Variants in UBE3D observed in about 807,000 individuals in gnomAD.
UBE3D encodes ubiquitin protein ligase E3D, also known as E3 ubiquitin-protein ligase E3D.
A neutral mutation model predicts 49.6 loss-of-function variants in UBE3D; 48 were observed. That is an observed-to-expected ratio of 0.97 (90% CI 0.77 to 1.23). The LOEUF is 1.23. Among genes scored for constraint, UBE3D ranks in the 50% most tolerant of loss-of-function variants. The pLI is 0.00. For missense variants in UBE3D, 452 were observed against 468.4 expected, an observed-to-expected ratio of 0.96 and a Z score of 0.32; for synonymous variants, 189 against 174.2, an observed-to-expected ratio of 1.08 and a Z score of -0.67.
In UBE3D at chr6:83,008,847, T is replaced by C. The variant is rs563011322; in HGVS notation, c.1010+10126A>G. Among the ~76,000 whole-genome samples the C allele has an allele frequency of 1.1e-4, 17 of 152,270 alleles. No homozygotes were observed. The South Asian group carries it at 3.5e-3, about 32-fold the overall frequency. ...CTCACAGCATGTTTACCTACTTCTC[T>C]TCCTACCTCGGGGGCAGAGAGTCAA... On this transcript the variant is annotated intron_variant, in intron 8 of 9. Transcript: ENST00000369747.
At chr6:82,978,039 C>A (rs1294003464) in intron 8 of UBE3D, among the ~76,000 whole-genome samples, 4 of 152,024 alleles carry the variant, frequency 2.6e-5, no homozygotes, top group African/African-American at 7.3e-5. Context: ...TCAGAAACAA[C>A]CTCTCTCTCA....
intron 7 of UBE3D, among the ~76,000 whole-genome samples, chr6:83,019,772 G>C (rs367898098): frequency 6.6e-6 from 1 of 152,130 alleles, no homozygotes; most frequent in African/African-American, 2.4e-5. Flanking sequence ...CTGATCCATG[G>C]GGGAGTTCTA....
At chr6:82,923,978 A>G (rs1773554968) in intron 9 of UBE3D, among the ~76,000 whole-genome samples, 1 of 152,150 alleles carries the variant, frequency 6.6e-6, no homozygotes, top group Non-Finnish European at 1.5e-5. Flanking sequence ...TAATATTCTT[A>G]GTAGAAAAAT....
At chr6:83,052,293 G>T (rs777221994) in intron 3 of UBE3D, among the ~76,000 whole-genome samples, 1 of 152,138 alleles carries the variant, frequency 6.6e-6, no homozygotes, top group Non-Finnish European at 1.5e-5. Flanking sequence ...AGACTCAGAA[G>T]GGACTACCCT....
chr6:83,022,431 G>C (rs563654834), intron 7 of UBE3D, 22 bp downstream of exon 7: 9 of 1,484,158 alleles, frequency 6.1e-6, no homozygotes, highest in South Asian at 5.1e-5. Context: ...GCTACAAAAA[G>C]CTGGATAAAA....
At chr6:82,901,455 A>G (rs903495264) in intron 9 of UBE3D, among the ~76,000 whole-genome samples, 2 of 152,086 alleles carry the variant, frequency 1.3e-5, no homozygotes, top group African/African-American at 4.8e-5. Flanking sequence ...TACTGTGCCC[A>G]CTCCAGACTT....
intron 8 of UBE3D, among the ~76,000 whole-genome samples, chr6:82,965,916 C>G (rs1381563630): frequency 6.6e-6 from 1 of 152,162 alleles, no homozygotes; most frequent in Non-Finnish European, 1.5e-5. Flanking sequence ...GACAACATAT[C>G]ATTCATTTCA....
At chr6:82,922,016 T>C (rs1023720781) in intron 9 of UBE3D, among the ~76,000 whole-genome samples, 21 of 152,172 alleles carry the variant, frequency 1.4e-4, no homozygotes, top group African/African-American at 4.8e-4. Flanking sequence ...GGAAAAAATA[T>C]AAGACTTGCT....
At chr6:82,999,565 A>C (rs1227963583) in intron 8 of UBE3D, among the ~76,000 whole-genome samples, 1 of 152,060 alleles carries the variant, frequency 6.6e-6, no homozygotes, top group Non-Finnish European at 1.5e-5. Context: ...TTGGATTTTT[A>C]GTAGAGACGG....
chr6:82,987,493 G>T (rs1301561111), intron 8 of UBE3D, among the ~76,000 whole-genome samples: 3 of 152,076 alleles, frequency 2.0e-5, no homozygotes, highest in Non-Finnish European at 4.4e-5. Context: ...CAATGTTAAA[G>T]ATAAAAAATT....
chr6:83,015,884 G>C (rs980809769), intron 8 of UBE3D, among the ~76,000 whole-genome samples: 1 of 152,156 alleles, frequency 6.6e-6, no homozygotes, highest in Admixed American at 6.5e-5. Flanking sequence ...TGCCACTACT[G>C]GGGGTAGGGA....
intron 1 of UBE3D, among the ~76,000 whole-genome samples, chr6:83,064,317 G>A (rs1428193352): frequency 6.6e-6 from 1 of 151,920 alleles, no homozygotes; most frequent in African/African-American, 2.4e-5. Flanking sequence ...TCCGCCTCCC[G>A]GGTTCACTCC....
At chr6:83,065,184 G>A (rs1344131216) in intron 1 of UBE3D, among the ~76,000 whole-genome samples, 1 of 152,166 alleles carries the variant, frequency 6.6e-6, no homozygotes, top group Non-Finnish European at 1.5e-5. Context: ...AGCAGTTTTG[G>A]ACGAAAAGAC....
intron 9 of UBE3D, among the ~76,000 whole-genome samples, chr6:82,919,759 C>A (rs1355901177): frequency 2.0e-5 from 3 of 152,132 alleles, no homozygotes; most frequent in South Asian, 2.1e-4. Context: ...ACGGAGACTG[C>A]CTATTTTTGA....
chr6:82,957,548 G>T, intron 8 of UBE3D, 98 bp from the exon 9 acceptor site: 2 of 1,352,002 alleles, frequency 1.5e-6, no homozygotes, highest in Non-Finnish European at 2.0e-6. Flanking sequence ...AGAGAAAAAG[G>T]CAAAGTACAA....
chr6:83,059,537 C>T (rs112366026), intron 1 of UBE3D, among the ~76,000 whole-genome samples: 2,144 of 152,348 alleles, frequency 0.014, 49 homozygotes, highest in African/African-American at 0.049. Flanking sequence ...GACTTTCAAA[C>T]TAGACTGTGT....
intron 8 of UBE3D, among the ~76,000 whole-genome samples, chr6:83,007,470 T>G (rs940199554): frequency 1.3e-5 from 2 of 152,206 alleles, no homozygotes; most frequent in Admixed American, 1.3e-4. Flanking sequence ...TAAGTCTTTT[T>G]CTCCTAAAAA....
At chr6:82,886,733 A>T in the UBE3D span, among the ~76,000 whole-genome samples, 1 of 152,228 alleles carries the variant, frequency 6.6e-6, no homozygotes, top group Non-Finnish European at 1.5e-5. Flanking sequence ...TAGAAATTAA[A>T]AAAAGTTTCA....
chr6:82,917,469 C>T (rs762324129), intron 9 of UBE3D, among the ~76,000 whole-genome samples: 7 of 152,130 alleles, frequency 4.6e-5, no homozygotes, highest in Non-Finnish European at 5.9e-5. Context: ...GTTAAGCTGT[C>T]AGAAGGTAGC....
Sources: allele counts gnomAD v4.1 joint callset (sites outside exome capture counted in the v4.1 genomes callset), GRCh38; gene constraint gnomAD v4.1.1; transcripts MANE v1.5; gene names NCBI Gene and HGNC (gene_info 2026-07-23, HGNC 2026-07-21).